The following SLC4A2 variants were observed in gnomAD, a reference collection of about 807,000 sequenced individuals.
The protein encoded by SLC4A2 is anion exchange protein 2.
Under a neutral mutation model 115.0 loss-of-function variants are expected in SLC4A2, and 36 were observed. The ratio of observed to expected loss-of-function variants is 0.31; its 90% CI spans 0.24 to 0.41. The LOEUF is 0.41. Ranked by LOEUF, SLC4A2 falls within the 10% of genes least tolerant of loss-of-function variation. The probability of loss-of-function intolerance (pLI) is 1.00; values close to 1 mark genes in which losing one functional copy is unlikely to be tolerated. For missense variants in SLC4A2, 1,252 were observed against 1,705.6 expected (o/e 0.73, Z 4.68); for synonymous variants, 708 against 708.3 (o/e 1.00, Z 0.01).
At chr7:151,070,645 C>T in intron 11 of SLC4A2, 74 bp downstream of exon 11, 1 of 1,602,198 alleles carries the variant, frequency 6.2e-7, no homozygotes, top group South Asian at 1.1e-5. Context: ...CTCCCTGGCC[C>T]TGCCTTGGTG....
chr7:151,069,878 C>T (rs1797371146), intron 8 of SLC4A2, 69 bp from the exon 9 acceptor site: 12 of 1,596,870 alleles, frequency 7.5e-6, no homozygotes, highest in South Asian at 1.1e-5. Flanking sequence ...AGCTCCTGCT[C>T]CCCATCCCAT....
At chr7:151,073,557 C>T (rs1269213758) in intron 16 of SLC4A2, among the ~76,000 whole-genome samples, 1 of 152,210 alleles carries the variant, frequency 6.6e-6, no homozygotes, top group Non-Finnish European at 1.5e-5. Context: ...GCGTGAACCA[C>T]TGTACCCGGC....
At chr7:151,073,593 A>G (rs891840644) in intron 16 of SLC4A2, among the ~76,000 whole-genome samples, 1 of 152,204 alleles carries the variant, frequency 6.6e-6, no homozygotes, top group Non-Finnish European at 1.5e-5. Flanking sequence ...TAAAAAATAC[A>G]TTATTTTTAA....
At chr7:151,073,069 C>T (rs1006143566) in intron 16 of SLC4A2, among the ~76,000 whole-genome samples, 1 of 152,154 alleles carries the variant, frequency 6.6e-6, no homozygotes, top group African/African-American at 2.4e-5. Flanking sequence ...ATCCTTCTGC[C>T]TCAGCCACCC....
At chr7:151,072,701 G>A (rs561467800) in intron 16 of SLC4A2, among the ~76,000 whole-genome samples, 5 of 150,516 alleles carry the variant, frequency 3.3e-5, no homozygotes, top group Non-Finnish European at 7.4e-5. Context: ...TGTCACCCAG[G>A]CTGGAGTGCA....
intron 2 of SLC4A2, chr7:151,062,914 C>T: frequency 7.2e-7 from 1 of 1,396,940 alleles, no homozygotes; most frequent in Non-Finnish European, 9.3e-7. Flanking sequence ...CCCTTCACCC[C>T]AGCCCTCCCC....
At chr7:151,075,103 G>A (rs913021103) in intron 19 of SLC4A2, 152 bp from the exon 20 acceptor site, 1 of 1,170,356 alleles carries the variant, frequency 8.5e-7, no homozygotes, top group African/African-American at 1.5e-5. Flanking sequence ...CCCAGGTTTT[G>A]CTCTGTAACG....
At chr7:151,069,148 A>AAAAAAAAAAAAAAAAAAAC in intron 8 of SLC4A2, among the ~76,000 whole-genome samples, 1 of 145,568 alleles carries the variant, frequency 6.9e-6, no homozygotes, top group East Asian at 2.0e-4. Flanking sequence ...ACCAAAAAAA[A>AAAAAAAAAAAAAAAAAAAC]AAAAAAAAAA....
intron 3 of SLC4A2, 34 bp from the exon 4 acceptor site, chr7:151,064,492 G>A: frequency 1.9e-6 from 3 of 1,593,432 alleles, no homozygotes; most frequent in Non-Finnish European, 2.6e-6. Context: ...GGGACACTGT[G>A]CCTGCCACAG....
rs1342369604 is a variant in SLC4A2, at chr7:151,062,054, A to C, written c.51+16A>C. On this transcript the variant is annotated intron_variant, in intron 2 of 22. Coordinates refer to ENST00000413384, the MANE Select transcript of SLC4A2 (RefSeq NM_003040.4). ...TTTCTGTACGGTGAGTGTGGCCCCC[A>C]GGTCGCCAGCCCAACCTTCCCTCCC... 1.9e-6 allele frequency: 3 copies of C among 1,607,020 alleles called. No individual in the cohort carries two copies. In the African/African-American group the frequency reaches 4.0e-5, roughly 21 times the overall value.
chr7:151,069,364 T>C (rs932928510), intron 8 of SLC4A2, among the ~76,000 whole-genome samples: 1 of 152,098 alleles, frequency 6.6e-6, no homozygotes, highest in Non-Finnish European at 1.5e-5. Context: ...CCTTGCCAGA[T>C]GAATGACCTG....
chr7:151,063,063 G>T (rs922894548), intron 2 of SLC4A2: 2 of 1,509,056 alleles, frequency 1.3e-6, no homozygotes, highest in Middle Eastern at 1.8e-4. Flanking sequence ...CCGTGGGTGG[G>T]TGGGGGGCTG....
At position 151,071,869 on chromosome 7, in the gene SLC4A2, C is replaced by G. The variant is rs377207356; in HGVS notation, c.2340+32C>G. 1.2e-6 allele frequency: 2 copies of G among 1,602,142 alleles called. No individual in the cohort carries two copies. Among genetic ancestry groups the G allele is most frequent in the Non-Finnish European group, 1.7e-6 (2 of 1,172,920 alleles). On this transcript the variant is annotated intron_variant, in intron 15 of 22. Coordinates refer to ENST00000413384, the MANE Select transcript of SLC4A2 (RefSeq NM_003040.4). The surrounding 1 kb of genome is among the most constrained non-coding windows in gnomAD (Gnocchi z 5.5). ...GCTCTTCTCGCCCATCTCCAGCCGCCCCTCCCGTGCCCTAGACACCTCCCC... is the reference window on the plus strand; with the variant it reads ...GCTCTTCTCGCCCATCTCCAGCCGCGCCTCCCGTGCCCTAGACACCTCCCC...
rs1220827288 is a variant in SLC4A2 at position 151,064,597 on chromosome 7, A to G, written c.289A>G (p.Lys97Glu). ...CCTGCCTCCGGATGCACGCCGCCGCAAGACACCCCAGGGCCCAGGACGGAA... is the reference window on the plus strand; with the variant it reads ...CCTGCCTCCGGATGCACGCCGCCGCGAGACACCCCAGGGCCCAGGACGGAA... The part of the protein sequence containing the change: ...THLPPDARRR[K>E]TPQGPGRKPR... The change falls in exon 4 of 23, where the codon AAG (lysine) becomes GAG (glutamate). Residue 97 changes from lysine to glutamate, a missense_variant. Around this residue, in one of 14 missense-constraint regions of SLC4A2, gnomAD observed 215 missense variants for 205.2 expected, o/e 1.05. Transcript: ENST00000413384. 7 of 1,613,054 alleles carry G rather than the reference A, an allele frequency of 4.3e-6. No individual in the cohort carries two copies. Among genetic ancestry groups the G allele is most frequent in the Admixed American group, 1.7e-5 (1 of 59,986 alleles).
intron 5 of SLC4A2, among the ~76,000 whole-genome samples, chr7:151,065,268 C>T (rs1438621170): frequency 2.0e-5 from 3 of 152,166 alleles, no homozygotes; most frequent in Non-Finnish European, 4.4e-5. Flanking sequence ...TGCCTCCCAC[C>T]CCTGCCCGTC....
Position 151,076,174 on chromosome 7 carries a change from A to G in SLC4A2, c.3633A>G (p.Arg1211=), listed in dbSNP as rs773945524. The change falls in exon 22 of 23, where the codon CGA becomes CGG. Residue 1211 remains arginine, a synonymous_variant. Transcript: ENST00000413384. The part of the protein sequence containing the change: ...MVVLTRIFTD[R]EMKCLDANEA... ...TGCTCACCCGTATCTTCACCGACCGAGAGATGAAATGTGTAAGCCCTCCCG... is the reference window on the plus strand; with the variant it reads ...TGCTCACCCGTATCTTCACCGACCGGGAGATGAAATGTGTAAGCCCTCCCG... 1 of 1,611,024 alleles carries G rather than the reference A, an allele frequency of 6.2e-7. No individual in the cohort carries two copies. The highest frequency in any genetic ancestry group is 8.5e-7 in the Non-Finnish European group (1 of 1,179,708).
chr7:151,063,132 C>A, intron 2 of SLC4A2: 1 of 1,518,000 alleles, frequency 6.6e-7, no homozygotes, highest in Non-Finnish European at 8.8e-7. Flanking sequence ...TTACAAGCGC[C>A]GCATTCCCTG....
Position 151,071,634 on chromosome 7 carries a change from CG to C in SLC4A2, c.2191+33del. ...AGGAGAGCCTTCAGGTAGGGGGCGG[CG>C]GGGACTGCCCAGGGCCTGGCCACCA... On this transcript the variant is annotated intron_variant, in intron 14 of 22. Transcript: ENST00000413384. This position sits in a 1 kb window ranked among gnomAD's most constrained non-coding sequence, Gnocchi z 5.5. 6.2e-7 allele frequency: 1 copy of C among 1,613,018 alleles called. No individual in the cohort carries two copies.
chr7:151,068,157 G>A, intron 8 of SLC4A2, 103 bp downstream of exon 8: 1 of 886,782 alleles, frequency 1.1e-6, no homozygotes, highest in Non-Finnish European at 1.6e-6. Context: ...CAGCCCCAGA[G>A]CCCAGAGGAA....
Sources: allele counts gnomAD v4.1 joint callset (sites outside exome capture counted in the v4.1 genomes callset), GRCh38; gene constraint gnomAD v4.1.1; regional missense constraint gnomAD v4.1.1; non-coding constraint Gnocchi (gnomAD v3.1); transcripts MANE v1.5; gene names NCBI Gene and HGNC (gene_info 2026-07-23, HGNC 2026-07-21).